NRXN1: variants seen among roughly 807,000 people sequenced by gnomAD.
NRXN1 encodes the protein neurexin-1.
In NRXN1, 39 loss-of-function variants were observed where a neutral mutation model predicts 150.9. The ratio of observed to expected loss-of-function variants is 0.26; its 90% CI spans 0.20 to 0.34. The LOEUF is 0.34. Ranked by LOEUF, NRXN1 falls within the 10% of genes least tolerant of loss-of-function variation. The pLI is 1.00. For synonymous variants in NRXN1, 924 were observed against 757.0 expected, an observed-to-expected ratio of 1.22 and a Z score of -3.62; for missense variants, 1,815 against 1,949.9, an observed-to-expected ratio of 0.93 and a Z score of 1.30.
intron 2 of NRXN1, among the ~76,000 whole-genome samples, chr2:50,937,651 T>C (rs1005179455): frequency 6.6e-6 from 1 of 152,136 alleles, no homozygotes; most frequent in Non-Finnish European, 1.5e-5. Flanking sequence ...TAGATGATGA[T>C]GATGATGAAG....
intron 5 of NRXN1, among the ~76,000 whole-genome samples, chr2:50,691,971 T>C (rs1692152317): frequency 6.6e-6 from 1 of 152,234 alleles, no homozygotes; most frequent in South Asian, 2.1e-4. Context: ...TATATTCATC[T>C]GAAAATCCTT....
chr2:50,990,711 C>T (rs189873804), intron 2 of NRXN1, among the ~76,000 whole-genome samples: 93 of 152,054 alleles, frequency 6.1e-4, no homozygotes, highest in African/African-American at 2.2e-3. Context: ...GATTTTTGTT[C>T]TCCCAACTCA....
rs1491464962 is a variant in NRXN1 at position 51,001,234 on chromosome 2, T to TTG, written c.772+26267_772+26268insCA. Among the ~76,000 whole-genome samples, 3 of 13,490 alleles carry TTG rather than the reference T, an allele frequency of 2.2e-4. No individual in the cohort carries two copies. In the South Asian group the frequency reaches 0.011, roughly 50 times the overall value. 8.8% of individuals were successfully genotyped at this position (13,490 alleles called of 152,430 possible). The stretch of plus-strand genomic sequence containing the variant: ...ACGTACAATGGTAGATTCATGGGGT[T>TTG]GGGGGGGGGGGGCGTTTGTCAGGGG... On this transcript the variant is annotated intron_variant, in intron 2 of 22. Transcript: ENST00000401669.
intron 8 of NRXN1, among the ~76,000 whole-genome samples, chr2:50,587,802 T>C (rs1673418712): frequency 6.6e-6 from 1 of 151,950 alleles, no homozygotes; most frequent in African/African-American, 2.4e-5. Context: ...ATAAATGGGG[T>C]TTGTGAAAAA....
At chr2:50,133,253 G>C (rs1705825343) in intron 18 of NRXN1, among the ~76,000 whole-genome samples, 1 of 152,078 alleles carries the variant, frequency 6.6e-6, no homozygotes, top group Non-Finnish European at 1.5e-5. Context: ...GGCTGAGGCA[G>C]AGTGCTGGGT....
chr2:50,627,301 T>C (rs1165187538), intron 5 of NRXN1, among the ~76,000 whole-genome samples: 1 of 151,522 alleles, frequency 6.6e-6, no homozygotes, highest in Non-Finnish European at 1.5e-5. Context: ...TCATTTGTCA[T>C]TGCTTATTGT....
At chr2:50,859,550 A>G (rs1337655051) in intron 5 of NRXN1, among the ~76,000 whole-genome samples, 1 of 152,074 alleles carries the variant, frequency 6.6e-6, no homozygotes, top group Non-Finnish European at 1.5e-5. Flanking sequence ...TTTGAGGGGA[A>G]AAGGGAGAAA....
At position 49,932,188 on chromosome 2, in the gene NRXN1, G is replaced by A. The variant is rs529077549; in HGVS notation, c.4217-9937C>T. ...CCCAGTGCTTTGGGAGGCTGAGAGA[G>A]GAGTATTGCTTGAAGCCAAGAGTTC... On this transcript the variant is annotated intron_variant, in intron 22 of 22. Coordinates refer to ENST00000401669, the MANE Select transcript of NRXN1 (RefSeq NM_001330078.2). Among the ~76,000 whole-genome samples the A allele has an allele frequency of 3.0e-4, 46 of 152,260 alleles. No individual in the cohort carries two copies. The South Asian group carries it at 6.4e-3, about 21-fold the overall frequency.
chr2:50,031,231 C>A (rs1467082927), intron 21 of NRXN1, among the ~76,000 whole-genome samples: 2 of 151,972 alleles, frequency 1.3e-5, no homozygotes, highest in Non-Finnish European at 2.9e-5. Flanking sequence ...AAGAAGCCAG[C>A]ATGCTTGGAA....
chr2:50,502,568 T>A lies in NRXN1; in HGVS notation c.2497+3927A>T, dbSNP rs147861228. 4.5e-4 allele frequency among the ~76,000 whole-genome samples: 69 copies of A among 152,158 alleles called. 1 individual carries two copies. In the East Asian group the frequency reaches 0.011, roughly 25 times the overall value. ...TAAGAAGTGGTACGGGAAAAGCAAT[T>A]TTGAAACTATTTTAGATGCATTATT... On this transcript the variant is annotated intron_variant, in intron 13 of 22. Coordinates refer to ENST00000401669, the MANE Select transcript of NRXN1 (RefSeq NM_001330078.2).
intron 18 of NRXN1, among the ~76,000 whole-genome samples, chr2:50,226,066 A>T (rs1192718647): frequency 6.6e-6 from 1 of 152,012 alleles, no homozygotes. Flanking sequence ...GCATCACAGA[A>T]GGCACAGTGG....
chr2:50,709,278 C>A (rs893460980), intron 5 of NRXN1, among the ~76,000 whole-genome samples: 3 of 152,088 alleles, frequency 2.0e-5, no homozygotes, highest in South Asian at 2.1e-4. Context: ...AAACCCGGAA[C>A]CATACATTGA....
chr2:50,216,038 A>C (rs2063373397), intron 18 of NRXN1, among the ~76,000 whole-genome samples: 1 of 151,986 alleles, frequency 6.6e-6, no homozygotes. Flanking sequence ...AGCAAAGAAA[A>C]GATGGTGTCA....
chr2:50,129,986 T>C (rs944468572), intron 18 of NRXN1, among the ~76,000 whole-genome samples: 6 of 152,180 alleles, frequency 3.9e-5, no homozygotes, highest in Non-Finnish European at 8.8e-5. Context: ...CTCCAAACTA[T>C]AAACGCCAGA....
Position 50,346,339 on chromosome 2 carries a change from G to C in NRXN1, c.3365-109369C>G, listed in dbSNP as rs1001829080. 2.6e-5 allele frequency among the ~76,000 whole-genome samples: 4 copies of C among 152,120 alleles called. No homozygotes were observed. The highest frequency in any genetic ancestry group is 1.3e-4 in the Admixed American group (2 of 15,280). On this transcript the variant is annotated intron_variant, in intron 17 of 22. Transcript: ENST00000401669. This position sits in a 1 kb window ranked among gnomAD's most constrained non-coding sequence, Gnocchi z 5.0. The stretch of plus-strand genomic sequence containing the variant: ...TCTCTGGTGCTCAGGTCCCTTAGCT[G>C]AGCGCGGCGCCCCATCCGGCCACTG...
intron 2 of NRXN1, among the ~76,000 whole-genome samples, chr2:50,943,342 C>T (rs1316746464): frequency 6.6e-6 from 1 of 152,104 alleles, no homozygotes; most frequent in African/African-American, 2.4e-5. Flanking sequence ...CTTTTACTGG[C>T]AAAAACTGCA....
In NRXN1 at chr2:50,775,053, C is replaced by G. The variant is rs184054730; in HGVS notation, c.832+146816G>C. 4.6e-5 allele frequency among the ~76,000 whole-genome samples: 7 copies of G among 152,258 alleles called. No individual in the cohort carries two copies. In the South Asian group the frequency reaches 1.5e-3, roughly 32 times the overall value. ...AACTTTGCATTCCTACTGCTCTACT[C>G]CATCCTTTGCTTTAAGCACAAATTA... On this transcript the variant is annotated intron_variant, in intron 5 of 22. Coordinates refer to ENST00000401669, the MANE Select transcript of NRXN1 (RefSeq NM_001330078.2).
chr2:50,481,670 G>T (rs1022519847), intron 15 of NRXN1, among the ~76,000 whole-genome samples: 1 of 149,416 alleles, frequency 6.7e-6, no homozygotes, highest in African/African-American at 2.5e-5. Context: ...AGACCTTAAC[G>T]TTTTCCTGTA....
chr2:50,278,065 CTCTTTT>C (rs1355424862), intron 17 of NRXN1, among the ~76,000 whole-genome samples: 1 of 78,236 alleles, frequency 1.3e-5, no homozygotes, highest in African/African-American at 6.5e-5. Context: ...CTTTCTCTCT[CTCTTTT>C]TTTTTTTTTT....
Sources: gnomAD v4.1 joint callset for allele counts (sites outside exome capture counted in the v4.1 genomes callset) on GRCh38, gnomAD v4.1.1 for gene constraint, Gnocchi (gnomAD v3.1) non-coding constraint, MANE v1.5 for transcripts, NCBI Gene and HGNC (gene_info 2026-07-23, HGNC 2026-07-21) for gene names.